Variants in PLXNA4 observed in about 807,000 individuals in gnomAD.
The protein encoded by PLXNA4 is plexin A4, also known as plexin-A4.
A neutral mutation model predicts 191.8 loss-of-function variants in PLXNA4; 44 were observed. That is an observed-to-expected ratio of 0.23 (90% CI 0.18 to 0.29). PLXNA4 has a LOEUF of 0.29. PLXNA4 is among the 10% of genes least tolerant of loss of function. The probability of loss-of-function intolerance (pLI) is 1.00; values close to 1 mark genes in which losing one functional copy is unlikely to be tolerated. For synonymous variants in PLXNA4, 1,082 were observed against 1,009.5 expected, an observed-to-expected ratio of 1.07 and a Z score of -1.36; for missense variants, 1,800 against 2,488.8, an observed-to-expected ratio of 0.72 and a Z score of 5.89.
intron 3 of PLXNA4, among the ~76,000 whole-genome samples, chr7:132,327,342 A>C (rs777821541): frequency 6.6e-6 from 1 of 152,000 alleles, no homozygotes; most frequent in Non-Finnish European, 1.5e-5. Context: ...ACTGAGAAAT[A>C]AGTTAGTCAT....
chr7:132,465,151 C>A (rs749541714), intron 3 of PLXNA4, among the ~76,000 whole-genome samples: 3 of 152,118 alleles, frequency 2.0e-5, no homozygotes, highest in Admixed American at 6.5e-5. Context: ...GACACACAGC[C>A]CATAGATAGG....
chr7:132,525,059 T>C (rs576973244), intron 1 of PLXNA4, among the ~76,000 whole-genome samples: 83 of 152,206 alleles, frequency 5.5e-4, no homozygotes, highest in Middle Eastern at 3.4e-3. Context: ...ACCCATCAAA[T>C]ACCAACTCTC....
chr7:132,142,237 A>G (rs1203728553), intron 29 of PLXNA4, among the ~76,000 whole-genome samples: 1 of 152,054 alleles, frequency 6.6e-6, no homozygotes, highest in East Asian at 1.9e-4. Flanking sequence ...ACGGCTTCCA[A>G]CCAGCCTGCT....
intron 3 of PLXNA4, among the ~76,000 whole-genome samples, chr7:132,371,970 T>G (rs751198488): frequency 6.6e-6 from 1 of 152,210 alleles, no homozygotes; most frequent in Non-Finnish European, 1.5e-5. Context: ...GATCTTTTGA[T>G]TATCTGTGCC....
chr7:132,368,500 G>A (rs78416910), intron 3 of PLXNA4, among the ~76,000 whole-genome samples: 5,300 of 152,224 alleles, frequency 0.035, 142 homozygotes, highest in South Asian at 0.049. Flanking sequence ...CACTGACCTG[G>A]GGACCAGAGG....
intron 3 of PLXNA4, among the ~76,000 whole-genome samples, chr7:132,477,074 TAAGCA>T (rs913859472): frequency 1.2e-4 from 19 of 152,220 alleles, no homozygotes; most frequent in African/African-American, 4.3e-4. Context: ...TCTCCAATAC[TAAGCA>T]AAGAAGAGAT....
intron 1 of PLXNA4, among the ~76,000 whole-genome samples, chr7:132,541,747 G>A (rs987392839): frequency 2.0e-5 from 3 of 152,242 alleles, no homozygotes; most frequent in Non-Finnish European, 2.9e-5. Context: ...TCAATTTAAC[G>A]TGTGAACAGG....
intron 3 of PLXNA4, chr7:132,383,887 C>T: frequency 1.0e-6 from 1 of 985,428 alleles, no homozygotes; most frequent in African/African-American, 1.7e-5. Flanking sequence ...CTTCAATGCA[C>T]ACAGAGCCAG....
chr7:132,249,224 C>T (rs1385266120), intron 4 of PLXNA4, among the ~76,000 whole-genome samples: 1 of 152,218 alleles, frequency 6.6e-6, no homozygotes, highest in African/African-American at 2.4e-5. Context: ...GGGATCCAGT[C>T]CTGCTCTGCC....
rs376095875 is a variant in PLXNA4 at position 132,210,988 on chromosome 7, G to A, written c.2253C>T (p.Pro751=). 3.3e-4 allele frequency: 527 copies of A among 1,613,630 alleles called. No individual in the cohort carries two copies. Among genetic ancestry groups the A allele is most frequent in the Middle Eastern group, 1.7e-3 (10 of 5,718 alleles). ...LNIQGSEQRV[P]ALRFNSSSVQ... ...CGCTGGAGCTGTTGAAGCGCAGGGC[G>A]GGCACTCGCTGCTCGCTGCCCTGAA... The change falls in exon 10 of 32, where the codon CCC becomes CCT. Residue 751 remains proline, a synonymous_variant. Coordinates refer to ENST00000321063, the MANE Select transcript of PLXNA4 (RefSeq NM_020911.2).
intron 1 of PLXNA4, among the ~76,000 whole-genome samples, chr7:132,560,900 C>A (rs184742026): frequency 9.2e-5 from 14 of 152,268 alleles, no homozygotes; most frequent in Non-Finnish European, 1.6e-4. Context: ...TTTGCCACCC[C>A]CTTTGATCAG....
chr7:132,202,409 G>A (rs1326306618), intron 12 of PLXNA4, among the ~76,000 whole-genome samples: 1 of 152,170 alleles, frequency 6.6e-6, no homozygotes, highest in East Asian at 1.9e-4. Flanking sequence ...GACTCCAACA[G>A]GACAGTTGGG....
chr7:132,204,099 G>A (rs920449208), intron 10 of PLXNA4, among the ~76,000 whole-genome samples: 3 of 152,232 alleles, frequency 2.0e-5, no homozygotes, highest in Admixed American at 6.5e-5. Context: ...GGATGCTGCA[G>A]ACAGTCACCA....
chr7:132,432,246 GT>G (rs1795292031), intron 3 of PLXNA4, among the ~76,000 whole-genome samples: 2 of 152,122 alleles, frequency 1.3e-5, no homozygotes, highest in Admixed American at 1.3e-4. Flanking sequence ...CCTTTAGTTA[GT>G]CCTCTCTGCA....
rs73724059 is a variant in PLXNA4, at chr7:132,544,916, T to A, written c.-87+31506A>T. Among the ~76,000 whole-genome samples the A allele has an allele frequency of 4.1e-3, 618 of 152,354 alleles. 6 individuals carry two copies. Among genetic ancestry groups the A allele is most frequent in the African/African-American group, 0.014 (593 of 41,584 alleles). On this transcript the variant is annotated intron_variant, in intron 1 of 31. Transcript: ENST00000321063. The stretch of plus-strand genomic sequence containing the variant: ...TATATAAATTTCACAAATAAATGAC[T>A]GAGGTTGACATTGATCTGAACTGGA...
At chr7:132,179,310 T>A (rs1373618234) in intron 20 of PLXNA4, among the ~76,000 whole-genome samples, 1 of 105,188 alleles carries the variant, frequency 9.5e-6, no homozygotes, top group Non-Finnish European at 1.8e-5. Context: ...TACACATACA[T>A]ACACACACAT....
intron 21 of PLXNA4, among the ~76,000 whole-genome samples, chr7:132,174,239 C>T (rs562417970): frequency 7.2e-5 from 11 of 152,160 alleles, no homozygotes; most frequent in Non-Finnish European, 1.2e-4. Context: ...AGATACCATG[C>T]TAGACAGTAA....
At chr7:132,463,282 G>A (rs1303574445) in intron 3 of PLXNA4, among the ~76,000 whole-genome samples, 3 of 152,142 alleles carry the variant, frequency 2.0e-5, no homozygotes, top group African/African-American at 4.8e-5. Flanking sequence ...TCCAGCACAG[G>A]TTAGGTTTGA....
intron 4 of PLXNA4, among the ~76,000 whole-genome samples, chr7:132,266,657 C>T (rs562434371): frequency 1.6e-4 from 24 of 152,314 alleles, no homozygotes; most frequent in African/African-American, 5.3e-4. Context: ...GTCACCTGCC[C>T]ACAGAGGTGC....
Sources: allele counts gnomAD v4.1 joint callset (sites outside exome capture counted in the v4.1 genomes callset), GRCh38; gene constraint gnomAD v4.1.1; transcripts MANE v1.5; gene names NCBI Gene and HGNC (gene_info 2026-07-23, HGNC 2026-07-21).